The following MYPN variants were observed in gnomAD, a reference collection of about 807,000 sequenced individuals.
MYPN encodes the protein myopalladin.
In MYPN, 63 loss-of-function variants were observed where a neutral mutation model predicts 129.4. That is an observed-to-expected ratio of 0.49 (90% confidence interval 0.40 to 0.60). The LOEUF is 0.60. MYPN is among the 20% of genes least tolerant of loss of function. MYPN has a pLI of 0.00. For synonymous variants in MYPN, 629 were observed against 600.9 expected (o/e 1.05, Z -0.68); for missense variants, 1,596 against 1,635.4 (o/e 0.98, Z 0.42).
At chr10:68,161,781 A>T (rs766099480) in intron 8 of MYPN, 29 bp downstream of exon 8, 2 of 1,542,794 alleles carry the variant, frequency 1.3e-6, no homozygotes, top group African/African-American at 2.7e-5. Flanking sequence ...TTAATTTATT[A>T]GTATATGAGT....
intron 12 of MYPN, among the ~76,000 whole-genome samples, chr10:68,181,622 T>A (rs2043314594): frequency 6.6e-6 from 1 of 152,108 alleles, no homozygotes; most frequent in African/African-American, 2.4e-5. Context: ...CCTTTCTTGA[T>A]CTTGAAAGGA....
chr10:68,192,246 T>C (rs555294477), intron 13 of MYPN, among the ~76,000 whole-genome samples: 2 of 152,344 alleles, frequency 1.3e-5, no homozygotes, highest in Admixed American at 1.3e-4. Context: ...TCAGTGTCTA[T>C]TGAAATGATC....
At chr10:68,165,531 C>T in intron 8 of MYPN, 171 bp from the exon 9 acceptor site, 1 of 695,602 alleles carries the variant, frequency 1.4e-6, no homozygotes. Context: ...ACTCATTTTG[C>T]CTACTAATCA....
chr10:68,136,183 T>C, intron 2 of MYPN: 1 of 984,756 alleles, frequency 1.0e-6, no homozygotes, highest in Non-Finnish European at 1.2e-6. Context: ...AATGTGTCTC[T>C]TCAGTGTCTT....
chr10:68,198,775 C>T (rs2043654589), intron 16 of MYPN, among the ~76,000 whole-genome samples: 2 of 151,058 alleles, frequency 1.3e-5, no homozygotes. Context: ...AACAGAAAAC[C>T]AAACACCACA....
chr10:68,130,469 GA>G (rs765386857), intron 2 of MYPN, among the ~76,000 whole-genome samples: 107 of 104,782 alleles, frequency 1.0e-3, no homozygotes, highest in Non-Finnish European at 1.2e-3. Context: ...TCATCCTCTC[GA>G]AAAAAAAAAA....
At chr10:68,177,927 T>G (rs761433188) in intron 12 of MYPN, among the ~76,000 whole-genome samples, 2 of 152,208 alleles carry the variant, frequency 1.3e-5, no homozygotes, top group Non-Finnish European at 2.9e-5. Flanking sequence ...TCCTAGAACA[T>G]TTGCATGATC....
chr10:68,127,567 T>C (rs1343332716), intron 2 of MYPN, among the ~76,000 whole-genome samples: 2 of 150,374 alleles, frequency 1.3e-5, no homozygotes, highest in African/African-American at 4.9e-5. Flanking sequence ...ACTCCTGACC[T>C]CATGATCTGC....
Position 68,168,703 on chromosome 10 carries a change from G to A in MYPN, c.1973+2037G>A, listed in dbSNP as rs142487383. 4.1e-3 allele frequency among the ~76,000 whole-genome samples: 628 copies of A among 152,248 alleles called. 7 individuals are homozygous for A. Among genetic ancestry groups the A allele is most frequent in the African/African-American group, 0.014 (599 of 41,534 alleles). On this transcript the variant is annotated intron_variant, in intron 10 of 19. Transcript: ENST00000358913. ...TATGGCTGGCAATTGAAAGAGTTAAGTTTTGTCTGAAAACTTGGAGTCAGT... is the reference window on the plus strand; with the variant it reads ...TATGGCTGGCAATTGAAAGAGTTAAATTTTGTCTGAAAACTTGGAGTCAGT...
chr10:68,125,093 C>A (rs1034065798), intron 2 of MYPN, among the ~76,000 whole-genome samples: 1 of 152,154 alleles, frequency 6.6e-6, no homozygotes, highest in Non-Finnish European at 1.5e-5. Flanking sequence ...CATTTTTCAA[C>A]CATGACAATC....
In MYPN at chr10:68,166,373, C is replaced by T. The variant is rs566128597; in HGVS notation, c.1680C>T (p.Pro560=). The change falls in exon 10 of 20, where the codon CCC becomes CCT. Residue 560 remains proline (P), a synonymous_variant. Transcript: ENST00000358913. ...ACCTGGCAGCTATTGAGCCACAGCC[C>T]TCCCCACCCCACTCAGAGCCTCCAT... The part of the protein sequence containing the change: ...TTNLAAIEPQ[P]SPPHSEPPSV... 26 of 1,614,050 alleles carry T rather than the reference C, an allele frequency of 1.6e-5. No homozygotes were observed. In the East Asian group the frequency reaches 1.8e-4, roughly 11 times the overall value.
chr10:68,192,906 CTCTT>C (rs2043539251), intron 13 of MYPN, among the ~76,000 whole-genome samples: 2 of 151,904 alleles, frequency 1.3e-5, no homozygotes, highest in South Asian at 4.2e-4. Context: ...TCTCTCTTCT[CTCTT>C]TCTTTCTTAG....
At chr10:68,180,374 T>C (rs7080637) in intron 12 of MYPN, among the ~76,000 whole-genome samples, 94,163 of 151,946 alleles carry the variant, frequency 0.62, 30,759 homozygotes, top group Non-Finnish European at 0.72. Flanking sequence ...TTTGTAGAGA[T>C]AGGGTTTCAC....
chr10:68,175,295 G>C (rs1461950354), intron 11 of MYPN, 28 bp from the exon 12 acceptor site: 2 of 1,613,562 alleles, frequency 1.2e-6, no homozygotes, highest in Admixed American at 3.3e-5. Context: ...CTTTTCATGG[G>C]TGTGTCAGGT....
chr10:68,162,550 A>G (rs1056760490), intron 8 of MYPN, among the ~76,000 whole-genome samples: 1 of 152,220 alleles, frequency 6.6e-6, no homozygotes, highest in Non-Finnish European at 1.5e-5. Context: ...AATACAAGTC[A>G]CTCACAAAAC....
intron 2 of MYPN, among the ~76,000 whole-genome samples, chr10:68,133,288 G>A (rs1351224914): frequency 6.6e-6 from 1 of 152,040 alleles, no homozygotes; most frequent in African/African-American, 2.4e-5. Context: ...GCCTCCCAAA[G>A]TGCTGGGGTT....
At chr10:68,196,824 TC>T (rs2043615537) in intron 15 of MYPN, among the ~76,000 whole-genome samples, 1 of 151,928 alleles carries the variant, frequency 6.6e-6, no homozygotes, top group Non-Finnish European at 1.5e-5. Context: ...CTCCTCCTCC[TC>T]CTTTTTTAAG....
intron 13 of MYPN, among the ~76,000 whole-genome samples, chr10:68,189,358 T>C (rs1202776779): frequency 6.6e-6 from 1 of 152,252 alleles, no homozygotes; most frequent in African/African-American, 2.4e-5. Context: ...ATCTTTTTTG[T>C]GTATTGGGAA....
chr10:68,115,946 T>C (rs1254184245), intron 1 of MYPN, among the ~76,000 whole-genome samples: 1 of 152,232 alleles, frequency 6.6e-6, no homozygotes, highest in Non-Finnish European at 1.5e-5. Flanking sequence ...CACTGCATTA[T>C]AAGCTTTGCT....
Sources: allele counts gnomAD v4.1 joint callset (sites outside exome capture counted in the v4.1 genomes callset), GRCh38; gene constraint gnomAD v4.1.1; transcripts MANE v1.5; gene names NCBI Gene and HGNC (gene_info 2026-07-23, HGNC 2026-07-21).